RNF144B: variants seen among roughly 807,000 people sequenced by gnomAD.
RNF144B encodes E3 ubiquitin-protein ligase RNF144B.
In RNF144B, 25 loss-of-function variants were observed where a neutral mutation model predicts 40.2. That is an observed-to-expected ratio of 0.62 (90% CI 0.45 to 0.87). The LOEUF (loss-of-function observed/expected upper bound fraction) is 0.87. Among genes scored for constraint, RNF144B ranks in the 40% least tolerant of loss-of-function variants. The pLI, the probability that RNF144B is intolerant of heterozygous loss-of-function variation, is 0.00. For synonymous variants in RNF144B, 145 were observed against 136.3 expected (o/e 1.06, Z -0.44); for missense variants, 365 against 373.7 (o/e 0.98, Z 0.19).
At chr6:18,430,166 C>T (rs753942170) in intron 3 of RNF144B, among the ~76,000 whole-genome samples, 17 of 152,178 alleles carry the variant, frequency 1.1e-4, no homozygotes, top group Non-Finnish European at 2.2e-4. Flanking sequence ...TAAACCTAGA[C>T]TGATTTAAAT....
rs1301136007 is a variant in RNF144B, at chr6:18,441,361, G to A, written c.331+1617G>A. ...AGTTAGGTTGGATTTTCAGGCTGCT[G>A]CTTAAATGGTGAGATATGACATATC... is the stretch of plus-strand genomic sequence containing the variant. On this transcript the variant is annotated intron_variant, in intron 4 of 7. Coordinates refer to ENST00000259939, the MANE Select transcript of RNF144B (RefSeq NM_182757.4). This position sits in a 1 kb window ranked among gnomAD's most constrained non-coding sequence, Gnocchi z 4.9. Among the ~76,000 whole-genome samples the A allele has an allele frequency of 1.3e-5, 2 of 152,142 alleles. No individual in the cohort carries two copies. Among genetic ancestry groups the A allele is most frequent in the African/African-American group, 2.4e-5 (1 of 41,450 alleles).
rs755322351 is a variant in RNF144B at position 18,457,381 on chromosome 6, T to C, written c.536+22T>C. The C allele has an allele frequency of 6.3e-7, 1 of 1,575,396 alleles. No individual in the cohort carries two copies. The highest frequency in any genetic ancestry group is 8.7e-7 in the Non-Finnish European group (1 of 1,144,698). ...ACCGGTAAGAAAGGAAACTTTGTCT[T>C]TGGGATTATTCACTAGTTTTCTTAG... is the stretch of plus-strand genomic sequence containing the variant. On this transcript the variant is annotated intron_variant, in intron 5 of 7. Transcript: ENST00000259939. This position sits in a 1 kb window ranked among gnomAD's most constrained non-coding sequence, Gnocchi z 5.1.
In RNF144B at chr6:18,450,359, A is replaced by G. The variant is rs1759184669; in HGVS notation, c.332-6796A>G. ...GTCACCCAGGCTGGAGTGCAGTGGCAATATTTCAGCTTACTGCGATCTCCG... is the reference window on the plus strand; with the variant it reads ...GTCACCCAGGCTGGAGTGCAGTGGCGATATTTCAGCTTACTGCGATCTCCG... On this transcript the variant is annotated intron_variant, in intron 4 of 7. Transcript: ENST00000259939. This position sits in a 1 kb window ranked among gnomAD's most constrained non-coding sequence, Gnocchi z 4.7. Among the ~76,000 whole-genome samples, 1 of 151,824 alleles carries G rather than the reference A, an allele frequency of 6.6e-6. No individual in the cohort carries two copies. Among genetic ancestry groups the G allele is most frequent in the African/African-American group, 2.4e-5 (1 of 41,344 alleles).
Position 18,464,749 on chromosome 6 carries a change from C to G in RNF144B, c.772-178C>G, listed in dbSNP as rs142078395. Among the ~76,000 whole-genome samples the G allele has an allele frequency of 6.6e-6, 1 of 152,324 alleles. No homozygotes were observed. Among genetic ancestry groups the G allele is most frequent in the African/African-American group, 2.4e-5 (1 of 41,590 alleles). ...TCATGAGGGCCCTGCCCTCATAAACCAACTAACTTCTAAAGGCCTCGTCTC... is the reference window on the plus strand; with the variant it reads ...TCATGAGGGCCCTGCCCTCATAAACGAACTAACTTCTAAAGGCCTCGTCTC... On this transcript the variant is annotated intron_variant, in intron 7 of 7. Transcript: ENST00000259939. This position sits in a 1 kb window ranked among gnomAD's most constrained non-coding sequence, Gnocchi z 6.1.
At chr6:18,455,439 T>C (rs1759303860) in intron 4 of RNF144B, among the ~76,000 whole-genome samples, 1 of 152,244 alleles carries the variant, frequency 6.6e-6, no homozygotes, top group Non-Finnish European at 1.5e-5. Context: ...TTCTCCTTGA[T>C]ATTGAATGTG....
At chr6:18,407,467 C>A (rs1386720974) in intron 2 of RNF144B, among the ~76,000 whole-genome samples, 1 of 152,140 alleles carries the variant, frequency 6.6e-6, no homozygotes, top group Non-Finnish European at 1.5e-5. Context: ...TAGTACACTG[C>A]CAGAATACAG....
chr6:18,424,984 CTAT>C (rs532427390), intron 2 of RNF144B, among the ~76,000 whole-genome samples: 1 of 152,034 alleles, frequency 6.6e-6, no homozygotes, highest in Non-Finnish European at 1.5e-5. Flanking sequence ...ATAACATGAC[CTAT>C]TATTCTGTAA....
chr6:18,433,510 ATG>A lies in RNF144B; in HGVS notation c.270+5829_270+5830del, dbSNP rs1758742743. Among the ~76,000 whole-genome samples, 5 of 152,344 alleles carry A rather than the reference ATG, an allele frequency of 3.3e-5. No homozygotes were observed. The South Asian group carries it at 1.0e-3, about 32-fold the overall frequency. On this transcript the variant is annotated intron_variant, in intron 3 of 7. Coordinates refer to ENST00000259939, the MANE Select transcript of RNF144B (RefSeq NM_182757.4). ...AGAAAACTAAGCCACAGTGAGTTGA[ATG>A]TGTCACATGAGTGTATGGATATGTC...
intron 2 of RNF144B, among the ~76,000 whole-genome samples, chr6:18,426,308 A>C (rs1048857272): frequency 1.3e-5 from 2 of 152,120 alleles, no homozygotes; most frequent in African/African-American, 4.8e-5. Flanking sequence ...GGTGGAATGT[A>C]CTCCTCAACA....
chr6:18,462,161 T>TA, intron 6 of RNF144B, among the ~76,000 whole-genome samples: 1 of 152,314 alleles, frequency 6.6e-6, no homozygotes, highest in East Asian at 1.9e-4. Context: ...ATCTTTCCTT[T>TA]AGAAGCCAAG....
At chr6:18,396,332 A>C in intron 1 of RNF144B, 1 of 893,608 alleles carries the variant, frequency 1.1e-6, no homozygotes, top group Non-Finnish European at 1.3e-6. Flanking sequence ...AAGAGTATCC[A>C]ATTAATTTCT....
rs1236665028 is a variant in RNF144B at position 18,425,760 on chromosome 6, A to G, written c.166-1821A>G. On this transcript the variant is annotated intron_variant, in intron 2 of 7. Coordinates refer to ENST00000259939, the MANE Select transcript of RNF144B (RefSeq NM_182757.4). This position sits in a 1 kb window ranked among gnomAD's most constrained non-coding sequence, Gnocchi z 4.2. ...GAGCATTTGTGCATGTCTTTTAAAT[A>G]TCATTTGAAGACTCTTTTCATGATT... Among the ~76,000 whole-genome samples, 8 of 152,194 alleles carry G rather than the reference A, an allele frequency of 5.3e-5. No individual in the cohort carries two copies. The highest frequency in any genetic ancestry group is 3.3e-4 in the Admixed American group (5 of 15,276).
Position 18,412,858 on chromosome 6 carries a change from G to A in RNF144B, c.165+13159G>A, listed in dbSNP as rs148514634. On this transcript the variant is annotated intron_variant, in intron 2 of 7. Transcript: ENST00000259939. The surrounding 1 kb of genome is among the most constrained non-coding windows in gnomAD (Gnocchi z 4.2). ...TGAATCATTTCCCACCCACAGTAAGGAGGTCTTTTTGGTTTGACTCTTCTG... is the reference window on the plus strand; with the variant it reads ...TGAATCATTTCCCACCCACAGTAAGAAGGTCTTTTTGGTTTGACTCTTCTG... 5.9e-5 allele frequency among the ~76,000 whole-genome samples: 9 copies of A among 152,212 alleles called. No individual in the cohort carries two copies. The East Asian group carries it at 1.7e-3, about 29-fold the overall frequency.
intron 2 of RNF144B, among the ~76,000 whole-genome samples, chr6:18,404,957 T>C (rs2181799): frequency 0.65 from 98,079 of 151,722 alleles, 31,932 homozygotes; most frequent in Middle Eastern, 0.7. Flanking sequence ...TGCCACAGAA[T>C]GATTCTCTGT....
chr6:18,462,762 A>AACTTGAGTTTG (rs1759486030), intron 6 of RNF144B, among the ~76,000 whole-genome samples: 2 of 151,710 alleles, frequency 1.3e-5, no homozygotes, highest in African/African-American at 4.8e-5. Context: ...GTCCAAACTT[A>AACTTGAGTTTG]TCTTCCCAAC....
rs927333160 is a variant in RNF144B at position 18,466,754 on chromosome 6, T to A, written c.*1687T>A. On this transcript the variant is annotated 3_prime_UTR_variant, in exon 8 of 8. Coordinates refer to ENST00000259939, the MANE Select transcript of RNF144B (RefSeq NM_182757.4). ...TTGTTAAAGGATGATGCTTTGCCTA[T>A]GTAATAGGATATATCCTAAGTGGGG... The A allele has an allele frequency of 6.6e-6, 1 of 152,630 alleles. No homozygotes were observed. The highest frequency in any genetic ancestry group is 1.5e-5 in the Non-Finnish European group (1 of 68,030). The allele number at this position is 152,630 out of a possible 1,614,324, so 9.5% of individuals were successfully genotyped here.
chr6:18,396,867 T>C, intron 1 of RNF144B: 2 of 978,554 alleles, frequency 2.0e-6, no homozygotes, highest in Non-Finnish European at 2.4e-6. Flanking sequence ...TAAAGAGAGA[T>C]TTTTTACAAA....
chr6:18,404,913 A>G (rs12203092), intron 2 of RNF144B, among the ~76,000 whole-genome samples: 96,891 of 151,822 alleles, frequency 0.64, 31,165 homozygotes, highest in Middle Eastern at 0.69. Context: ...CTCTGGAACC[A>G]CAAGAAATAA....
rs747937204 is a variant in RNF144B, at chr6:18,457,128, A to T, written c.332-27A>T. On this transcript the variant is annotated intron_variant, in intron 4 of 7. Coordinates refer to ENST00000259939, the MANE Select transcript of RNF144B (RefSeq NM_182757.4). This position sits in a 1 kb window ranked among gnomAD's most constrained non-coding sequence, Gnocchi z 5.1. The stretch of plus-strand genomic sequence containing the variant: ...GACTCAAACATGAATCGGGCAGACC[A>T]TCACATTTTCTTTCTTTACACTTTA... 14 of 1,537,272 alleles carry T rather than the reference A, an allele frequency of 9.1e-6. No homozygotes were observed. Among genetic ancestry groups the T allele is most frequent in the Non-Finnish European group, 1.2e-5 (13 of 1,111,362 alleles).
Sources: gnomAD v4.1 joint callset for allele counts (sites outside exome capture counted in the v4.1 genomes callset) on GRCh38, gnomAD v4.1.1 for gene constraint, Gnocchi (gnomAD v3.1) non-coding constraint, MANE v1.5 for transcripts, NCBI Gene and HGNC (gene_info 2026-07-23, HGNC 2026-07-21) for gene names.